Variants in RELN observed in about 807,000 individuals in gnomAD.
RELN encodes the protein reelin.
In RELN, 108 loss-of-function variants were observed where a neutral mutation model predicts 427.6. That is an observed-to-expected ratio of 0.25 (90% CI 0.22 to 0.30). RELN has a LOEUF of 0.30. RELN is among the 10% of genes least tolerant of loss of function. The probability of loss-of-function intolerance (pLI) is 1.00; values close to 1 mark genes in which losing one functional copy is unlikely to be tolerated. For synonymous variants in RELN, 1,524 were observed against 1,513.4 expected, an observed-to-expected ratio of 1.01 and a Z score of -0.16; for missense variants, 3,715 against 4,302.8, an observed-to-expected ratio of 0.86 and a Z score of 3.82.
At chr7:103,978,246 C>T (rs547041211) in intron 1 of RELN, among the ~76,000 whole-genome samples, 1 of 152,140 alleles carries the variant, frequency 6.6e-6, no homozygotes, top group East Asian at 1.9e-4. Context: ...TAGCACCTGG[C>T]AACTACCATT....
intron 9 of RELN, among the ~76,000 whole-genome samples, chr7:103,699,417 G>T (rs1161589637): frequency 6.6e-6 from 1 of 152,116 alleles, no homozygotes; most frequent in African/African-American, 2.4e-5. Flanking sequence ...ATATATTTAG[G>T]TAGTGATTGG....
At chr7:103,477,674 A>G (rs927287213) in intron 64 of RELN, among the ~76,000 whole-genome samples, 1 of 152,246 alleles carries the variant, frequency 6.6e-6, no homozygotes, top group Non-Finnish European at 1.5e-5. Flanking sequence ...CTAAATGGGG[A>G]TGAGAATAAT....
At chr7:103,908,451 G>A (rs548396395) in intron 2 of RELN, among the ~76,000 whole-genome samples, 185 of 152,284 alleles carry the variant, frequency 1.2e-3, no homozygotes, top group Non-Finnish European at 2.1e-3. Context: ...ATGGAGGTAA[G>A]TATGTTGCTC....
chr7:103,738,133 GT>G (rs1362535683), intron 6 of RELN, among the ~76,000 whole-genome samples: 1 of 149,240 alleles, frequency 6.7e-6, no homozygotes, highest in South Asian at 2.2e-4. Context: ...TTATCATTGT[GT>G]TTTTTAATAG....
intron 7 of RELN, among the ~76,000 whole-genome samples, chr7:103,727,039 A>C (rs1790229267): frequency 6.6e-6 from 1 of 152,136 alleles, no homozygotes; most frequent in Non-Finnish European, 1.5e-5. Context: ...TTGGCATGAA[A>C]GGGGTATTCA....
chr7:103,589,081 C>T (rs1182009665), intron 28 of RELN, among the ~76,000 whole-genome samples: 2 of 152,110 alleles, frequency 1.3e-5, no homozygotes, highest in African/African-American at 2.4e-5. Flanking sequence ...ACATCTTTTT[C>T]ATACATCTGC....
At chr7:103,816,567 A>ACACACACACACACACACACACAC (rs1554424792) in intron 3 of RELN, among the ~76,000 whole-genome samples, 4 of 150,288 alleles carry the variant, frequency 2.7e-5, no homozygotes, top group East Asian at 2.0e-4. Flanking sequence ...ACACACACAC[A>ACACACACACACACACACACACAC]ACTAAGGCCT....
At position 103,654,157 on chromosome 7, in the gene RELN, T is replaced by A. The variant is rs772343304; in HGVS notation, c.1490A>T (p.Tyr497Phe). The change falls in exon 13 of 65, where the codon TAT (tyrosine) becomes TTT (phenylalanine). Residue 497 changes from tyrosine (Y) to phenylalanine (F), a missense_variant. Transcript: ENST00000428762. ...GNSHENDIILYAKIEGRKEHI... is the reference protein window; with the variant it reads ...GNSHENDIILFAKIEGRKEHI... ...CTCTTTTCTTCCTTCAATTTTTGCA[T>A]ACAGGATTATGTCATTTTCATGAGA... 3 of 1,611,592 alleles carry A rather than the reference T, an allele frequency of 1.9e-6. No individual in the cohort carries two copies. Among genetic ancestry groups the A allele is most frequent in the Non-Finnish European group, 2.5e-6 (3 of 1,178,160 alleles).
Position 103,497,811 on chromosome 7 carries a change from G to A in RELN, c.8950+9C>T, listed in dbSNP as rs1378125232. On this transcript the variant is annotated intron_variant, in intron 55 of 64. Transcript: ENST00000428762. Reference sequence around the variant, plus strand: ...GCTCCAAGGGGTGGTTTTCACCCCTGACACATGCCTCCATCGGTAGAGTAG... The same window carrying A: ...GCTCCAAGGGGTGGTTTTCACCCCTAACACATGCCTCCATCGGTAGAGTAG... 2.5e-6 allele frequency: 4 copies of A among 1,612,494 alleles called. No individual in the cohort carries two copies. Among genetic ancestry groups the A allele is most frequent in the Middle Eastern group, 1.7e-4 (1 of 6,056 alleles).
At chr7:103,762,199 T>C (rs1212771669) in intron 4 of RELN, among the ~76,000 whole-genome samples, 1 of 152,128 alleles carries the variant, frequency 6.6e-6, no homozygotes, top group Non-Finnish European at 1.5e-5. Context: ...CCCTTTCCCC[T>C]CCCTGCTGTA....
chr7:103,723,861 G>C (rs141866349), intron 7 of RELN, among the ~76,000 whole-genome samples: 284 of 152,218 alleles, frequency 1.9e-3, no homozygotes, highest in African/African-American at 6.7e-3. Context: ...TATGAACCTA[G>C]AAATAGTCTT....
rs936780733 is a variant in RELN at position 103,699,730 on chromosome 7, G to T, written c.902+1180C>A. Among the ~76,000 whole-genome samples the T allele has an allele frequency of 2.0e-5, 3 of 151,960 alleles. No homozygotes were observed. In the East Asian group the frequency reaches 5.8e-4, roughly 29 times the overall value. On this transcript the variant is annotated intron_variant, in intron 9 of 64. Transcript: ENST00000428762. ...GCTTCTTTGTTTAAAGCCATTTATA[G>T]AAATATTTAATATGAATGCATTTTC...
At chr7:103,897,955 GCTT>G (rs1563077536) in intron 2 of RELN, among the ~76,000 whole-genome samples, 2 of 151,842 alleles carry the variant, frequency 1.3e-5, no homozygotes, top group Non-Finnish European at 2.9e-5. Flanking sequence ...TGGATTGATC[GCTT>G]TTTAACAAAC....
chr7:103,472,719 G>A lies in RELN; in HGVS notation c.*93C>T. ...TCAGGTAATCACCAAGTCCTTCACA[G>A]ATATTTCCTGATATCAGATGTAGTG... On this transcript the variant is annotated 3_prime_UTR_variant, in exon 65 of 65. Transcript: ENST00000428762. The A allele has an allele frequency of 4.9e-6, 5 of 1,015,920 alleles. No homozygotes were observed. The highest frequency in any genetic ancestry group is 7.7e-6 in the Non-Finnish European group (5 of 650,098). 62.9% of individuals were successfully genotyped at this position (1,015,920 alleles called of 1,614,324 possible).
chr7:103,652,810 C>G, intron 13 of RELN, 51 bp from the exon 14 acceptor site: 1 of 1,538,050 alleles, frequency 6.5e-7, no homozygotes, highest in South Asian at 1.1e-5. Context: ...TAGGCTAGTC[C>G]ATGTAAATTC....
chr7:103,862,811 G>C (rs1358862492), intron 2 of RELN, among the ~76,000 whole-genome samples: 2 of 152,116 alleles, frequency 1.3e-5, no homozygotes, highest in Admixed American at 1.3e-4. Flanking sequence ...GGTGACAGGA[G>C]CAGATGGTCT....
rs761569597 is a variant in RELN, at chr7:103,482,846, A to G, written c.10280+27T>C. On this transcript the variant is annotated intron_variant, in intron 63 of 64. Transcript: ENST00000428762. The stretch of plus-strand genomic sequence containing the variant: ...AATTTCAAACCTTCCTGAAATGGAC[A>G]TGGGATGCCATGTAATAGATACTCA... The G allele has an allele frequency of 1.9e-6, 3 of 1,614,056 alleles. No individual in the cohort carries two copies. The Admixed American group carries it at 5.0e-5, about 27-fold the overall frequency.
intron 48 of RELN, among the ~76,000 whole-genome samples, chr7:103,521,041 A>C (rs933561186): frequency 9.1e-5 from 12 of 131,156 alleles, no homozygotes; most frequent in African/African-American, 3.5e-4. Context: ...CAGTGGCGCA[A>C]TCTCGGCTCA....
intron 3 of RELN, among the ~76,000 whole-genome samples, chr7:103,781,643 A>G (rs1791893342): frequency 6.6e-6 from 1 of 152,026 alleles, no homozygotes; most frequent in South Asian, 2.1e-4. Context: ...TGTATCTTTG[A>G]CCAACATCTC....
Sources: gnomAD v4.1 joint callset for allele counts (sites outside exome capture counted in the v4.1 genomes callset) on GRCh38, gnomAD v4.1.1 for gene constraint, MANE v1.5 for transcripts, NCBI Gene and HGNC (gene_info 2026-07-23, HGNC 2026-07-21) for gene names.